ATP8A2: variants seen among roughly 807,000 people sequenced by gnomAD.
ATP8A2 encodes the protein phospholipid-transporting ATPase IB.
Under a neutral mutation model 165.6 loss-of-function variants are expected in ATP8A2, and 100 were observed. The ratio of observed to expected loss-of-function variants is 0.60; its 90% confidence interval spans 0.51 to 0.71. The LOEUF is 0.71. Among genes scored for constraint, ATP8A2 ranks in the 30% least tolerant of loss-of-function variants. ATP8A2 has a pLI of 0.00. For synonymous variants in ATP8A2, 543 were observed against 548.8 expected (o/e 0.99, Z 0.15); for missense variants, 1,227 against 1,479.5 (o/e 0.83, Z 2.80).
At chr13:25,825,147 T>G (rs573171671) in intron 27 of ATP8A2, among the ~76,000 whole-genome samples, 47 of 32,440 alleles carry the variant, frequency 1.4e-3, no homozygotes, top group African/African-American at 3.9e-3. Flanking sequence ...TGTGTTTGCT[T>G]TTTTTTTTTT....
intron 25 of ATP8A2, among the ~76,000 whole-genome samples, chr13:25,747,876 T>C (rs2044068094): frequency 1.3e-5 from 2 of 152,246 alleles, no homozygotes; most frequent in Non-Finnish European, 2.9e-5. Context: ...TTGACTTTCC[T>C]AAGCTGACGT....
At chr13:25,600,936 G>T (rs1337202053) in intron 24 of ATP8A2, among the ~76,000 whole-genome samples, 1 of 152,188 alleles carries the variant, frequency 6.6e-6, no homozygotes, top group Non-Finnish European at 1.5e-5. Context: ...CTACAAGATC[G>T]CACGGATGTG....
At chr13:25,481,774 T>C (rs2036210852) in intron 2 of ATP8A2, among the ~76,000 whole-genome samples, 1 of 152,162 alleles carries the variant, frequency 6.6e-6, no homozygotes, top group African/African-American at 2.4e-5. Flanking sequence ...TTTCTTGCCA[T>C]GTCCTCCCAG....
chr13:25,617,240 T>C (rs1004764380), intron 24 of ATP8A2, among the ~76,000 whole-genome samples: 5 of 152,228 alleles, frequency 3.3e-5, no homozygotes, highest in Non-Finnish European at 7.3e-5. Flanking sequence ...TTGTTTTGAC[T>C]ATAATCATAC....
chr13:25,857,150 C>T (rs951021902), intron 30 of ATP8A2, among the ~76,000 whole-genome samples: 2 of 152,178 alleles, frequency 1.3e-5, no homozygotes, highest in African/African-American at 4.8e-5. Flanking sequence ...GTGCCTGCAG[C>T]CCCACTGGTC....
intron 24 of ATP8A2, among the ~76,000 whole-genome samples, chr13:25,690,773 C>T (rs552883066): frequency 6.6e-6 from 1 of 152,240 alleles, no homozygotes; most frequent in Admixed American, 6.5e-5. Context: ...CTTACAGTTT[C>T]TGGAAGGTTA....
intron 24 of ATP8A2, among the ~76,000 whole-genome samples, chr13:25,649,994 T>C (rs2041772172): frequency 6.6e-6 from 1 of 152,166 alleles, no homozygotes; most frequent in Non-Finnish European, 1.5e-5. Flanking sequence ...GTGTTCCCTT[T>C]GAGGTGAGAC....
At chr13:25,640,881 C>T (rs2041501622) in intron 24 of ATP8A2, among the ~76,000 whole-genome samples, 1 of 152,144 alleles carries the variant, frequency 6.6e-6, no homozygotes. Context: ...CCAAATTTAG[C>T]AGCACCTGAA....
chr13:25,457,267 C>G (rs2035389228), intron 1 of ATP8A2, among the ~76,000 whole-genome samples: 1 of 152,094 alleles, frequency 6.6e-6, no homozygotes, highest in South Asian at 2.1e-4. Context: ...TTAACAACCC[C>G]ACAAAACCTA....
intron 24 of ATP8A2, among the ~76,000 whole-genome samples, chr13:25,629,998 A>G (rs2041198743): frequency 6.6e-6 from 1 of 152,102 alleles, no homozygotes; most frequent in Admixed American, 6.6e-5. Flanking sequence ...TGTGTTGGCA[A>G]TTTCTTTCAA....
chr13:26,013,251 T>A (rs992424195), intron 36 of ATP8A2, among the ~76,000 whole-genome samples: 1 of 152,198 alleles, frequency 6.6e-6, no homozygotes, highest in Admixed American at 6.5e-5. Context: ...GCCCTGCCTC[T>A]CTGTGTCCTG....
At chr13:25,430,255 G>A (rs2034570608) in intron 1 of ATP8A2, among the ~76,000 whole-genome samples, 1 of 152,014 alleles carries the variant, frequency 6.6e-6, no homozygotes, top group Non-Finnish European at 1.5e-5. Flanking sequence ...GCCTGAGACG[G>A]GGGCTGAAAT....
At chr13:25,919,458 A>G (rs1026685392) in intron 33 of ATP8A2, among the ~76,000 whole-genome samples, 4 of 152,156 alleles carry the variant, frequency 2.6e-5, no homozygotes, top group Middle Eastern at 3.2e-3. Context: ...GAAAGAATGT[A>G]TATCTTTCTG....
In ATP8A2 at chr13:25,413,280, T is replaced by G. The variant is rs1375973684; in HGVS notation, c.76+40992T>G. ...TTTTTTTCTTTTTCTTTTTCTTTGT[T>G]TTTTTTTTTTTTTTTTTTGAGATGG... On this transcript the variant is annotated intron_variant, in intron 1 of 36. Transcript: ENST00000381655. 2.2e-3 allele frequency among the ~76,000 whole-genome samples: 125 copies of G among 58,126 alleles called. 1 individual carries two copies. Among genetic ancestry groups the G allele is most frequent in the African/African-American group, 0.02 (120 of 6,100 alleles). The allele number at this position is 58,126 out of a possible 152,430, so 38.1% of individuals were successfully genotyped here. A position where few individuals can be genotyped will look rare whatever the true frequency, so the allele number is the denominator to read the frequency against.
chr13:25,722,824 C>CT (rs2043410243), intron 25 of ATP8A2, among the ~76,000 whole-genome samples: 1 of 152,192 alleles, frequency 6.6e-6, no homozygotes, highest in Admixed American at 6.5e-5. Context: ...ACAAAGGTAA[C>CT]TAATTTTATT....
At chr13:25,415,893 A>G (rs761781361) in intron 1 of ATP8A2, among the ~76,000 whole-genome samples, 4 of 152,028 alleles carry the variant, frequency 2.6e-5, no homozygotes, top group Non-Finnish European at 4.4e-5. Context: ...GTAGAGGCCA[A>G]TTGTAGCTCC....
chr13:25,887,432 G>A (rs1395137937), intron 33 of ATP8A2, among the ~76,000 whole-genome samples: 2 of 152,002 alleles, frequency 1.3e-5, no homozygotes, highest in Admixed American at 1.3e-4. Context: ...TCTGCCTCCT[G>A]GGTTCAAGCG....
intron 2 of ATP8A2, among the ~76,000 whole-genome samples, chr13:25,473,445 T>C (rs1393232832): frequency 2.0e-5 from 3 of 152,220 alleles, no homozygotes; most frequent in Non-Finnish European, 4.4e-5. Context: ...AATGTTTATA[T>C]ACATATGTAA....
At chr13:25,728,919 A>G (rs1249936577) in intron 25 of ATP8A2, among the ~76,000 whole-genome samples, 2 of 152,216 alleles carry the variant, frequency 1.3e-5, no homozygotes, top group East Asian at 1.9e-4. Context: ...TGTTAGTAAC[A>G]TTAACTCTGA....
Sources: allele counts gnomAD v4.1 joint callset (sites outside exome capture counted in the v4.1 genomes callset), GRCh38; gene constraint gnomAD v4.1.1; transcripts MANE v1.5; gene names NCBI Gene and HGNC (gene_info 2026-07-23, HGNC 2026-07-21).